Variants in DCT observed in about 807,000 individuals in gnomAD.
The protein encoded by DCT is L-dopachrome tautomerase.
Under a neutral mutation model 53.0 loss-of-function variants are expected in DCT, and 47 were observed. The ratio of observed to expected loss-of-function variants is 0.89; its 90% CI spans 0.70 to 1.13. The LOEUF (loss-of-function observed/expected upper bound fraction) is 1.13, where lower values mean the gene tolerates loss of function less well. Among genes scored for constraint, DCT ranks in the 50% most tolerant of loss-of-function variants. The pLI, the probability that DCT is intolerant of heterozygous loss-of-function variation, is 0.00. For synonymous variants in DCT, 244 were observed against 237.0 expected, an observed-to-expected ratio of 1.03 and a Z score of -0.27; for missense variants, 669 against 637.4, an observed-to-expected ratio of 1.05 and a Z score of -0.53.
chr13:94,548,261 T>A, the DCT span, among the ~76,000 whole-genome samples: 1 of 152,042 alleles, frequency 6.6e-6, no homozygotes, highest in South Asian at 2.1e-4. Flanking sequence ...CTTCATAAGG[T>A]TGTTATGAAG....
chr13:94,491,894 T>C, the DCT span, among the ~76,000 whole-genome samples: 1 of 152,218 alleles, frequency 6.6e-6, no homozygotes, highest in Non-Finnish European at 1.5e-5. Context: ...TCATAAATTT[T>C]AGATCTGGAT....
At chr13:94,532,011 T>G in the DCT span, among the ~76,000 whole-genome samples, 3 of 152,180 alleles carry the variant, frequency 2.0e-5, no homozygotes, top group Non-Finnish European at 4.4e-5. Flanking sequence ...AAGCCATTTA[T>G]GCAGCCAACA....
Position 94,438,707 on chromosome 13 carries a change from TAA to T in DCT, c.*1189_*1190del. The T allele has an allele frequency of 2.2e-6, 1 of 454,436 alleles. No individual in the cohort carries two copies. Among genetic ancestry groups the T allele is most frequent in the Middle Eastern group, 3.3e-4 (1 of 3,052 alleles). The allele number at this position is 454,436 out of a possible 1,614,324, so 28.2% of individuals were successfully genotyped here. ...ATCATGATAAGTCTGAACATCGTAG[TAA>T]AGATTGTCTCATTCTTATTCCTCAT... On this transcript the variant is annotated 3_prime_UTR_variant, in exon 8 of 8. Transcript: ENST00000377028.
upstream of DCT, among the ~76,000 whole-genome samples, chr13:94,480,538 AT>A (rs1475610937): frequency 6.6e-6 from 1 of 152,220 alleles, no homozygotes; most frequent in Non-Finnish European, 1.5e-5. Context: ...AAAGACACAT[AT>A]TGTTATGTTT....
intron 1 of DCT, among the ~76,000 whole-genome samples, chr13:94,474,133 A>C (rs993022888): frequency 6.6e-6 from 1 of 152,236 alleles, no homozygotes; most frequent in African/African-American, 2.4e-5. Context: ...TTACTGGGAA[A>C]TGGAGAGAGG....
chr13:94,541,501 T>C, the DCT span, among the ~76,000 whole-genome samples: 2 of 127,194 alleles, frequency 1.6e-5, no homozygotes, highest in Admixed American at 7.8e-5. Flanking sequence ...CGAAACCCTG[T>C]CTCAAAAAAA....
chr13:94,482,845 G>A (rs61758407), upstream of DCT, among the ~76,000 whole-genome samples: 19 of 152,270 alleles, frequency 1.2e-4, no homozygotes, highest in South Asian at 3.5e-3. Flanking sequence ...TGCTGCAAAT[G>A]TTTGAAAACC....
chr13:94,488,794 C>T, the DCT span, among the ~76,000 whole-genome samples: 382 of 150,298 alleles, frequency 2.5e-3, 1 homozygote, highest in African/African-American at 8.9e-3. Context: ...TACATATACA[C>T]ACACATATAC....
chr13:94,530,231 C>A, the DCT span, among the ~76,000 whole-genome samples: 1 of 152,172 alleles, frequency 6.6e-6, no homozygotes, highest in Non-Finnish European at 1.5e-5. Flanking sequence ...TGGGACCATT[C>A]CTTCTGAAAC....
the DCT span, among the ~76,000 whole-genome samples, chr13:94,487,127 T>C: frequency 6.6e-6 from 1 of 152,184 alleles, no homozygotes; most frequent in African/African-American, 2.4e-5. Context: ...TGTTAGAAAC[T>C]GAATAGCAGA....
At chr13:94,518,757 G>C in the DCT span, among the ~76,000 whole-genome samples, 1 of 152,092 alleles carries the variant, frequency 6.6e-6, no homozygotes, top group Non-Finnish European at 1.5e-5. Flanking sequence ...AATCATTTTG[G>C]CTCTCTGCTT....
At chr13:94,503,393 G>C in the DCT span, among the ~76,000 whole-genome samples, 1 of 142,424 alleles carries the variant, frequency 7.0e-6, no homozygotes, top group Admixed American at 7.2e-5. Flanking sequence ...GGAGGGAAGG[G>C]AAGGAGAGGA....
At chr13:94,445,340 T>C (rs1270018039) in intron 6 of DCT, among the ~76,000 whole-genome samples, 1 of 152,222 alleles carries the variant, frequency 6.6e-6, no homozygotes. Flanking sequence ...TTGCAGTTCC[T>C]ATCTTGTGCC....
upstream of DCT, among the ~76,000 whole-genome samples, chr13:94,481,320 T>G (rs1474868598): frequency 5.3e-5 from 8 of 152,224 alleles, no homozygotes; most frequent in African/African-American, 1.9e-4. Flanking sequence ...GAAGTCACCA[T>G]TCAACCTAAC....
chr13:94,463,979 T>A (rs962336107), intron 4 of DCT, among the ~76,000 whole-genome samples: 1 of 152,226 alleles, frequency 6.6e-6, no homozygotes, highest in Non-Finnish European at 1.5e-5. Context: ...GACGACATTC[T>A]AAAAATTTAA....
rs1310764385 is a variant in DCT at position 94,468,616 on chromosome 13, CT to C, written c.595+129del. 12 of 831,964 alleles carry C rather than the reference CT, an allele frequency of 1.4e-5. No individual in the cohort carries two copies. In the Admixed American group the frequency reaches 2.1e-4, roughly 14 times the overall value. 51.5% of individuals were successfully genotyped at this position (831,964 alleles called of 1,614,324 possible). ...CAGGCGGTATTTGATAATTCTACGA[CT>C]TTCATAAACCTAAGGCTGCCTTGTG... is the stretch of plus-strand genomic sequence containing the variant. On this transcript the variant is annotated intron_variant, in intron 2 of 7. Transcript: ENST00000377028.
chr13:94,443,347 T>C (rs1882478027), intron 7 of DCT, 89 bp downstream of exon 7: 2 of 1,069,374 alleles, frequency 1.9e-6, no homozygotes, highest in African/African-American at 1.6e-5. Flanking sequence ...CGGCTAAAGG[T>C]CTTGGTTTAC....
chr13:94,450,792 C>T (rs3782972), intron 6 of DCT, among the ~76,000 whole-genome samples: 121,207 of 152,076 alleles, frequency 0.8, 49,763 homozygotes, highest in African/African-American at 0.91. Context: ...AGATTCTAGA[C>T]AGAGACTAAG....
the DCT span, among the ~76,000 whole-genome samples, chr13:94,530,596 G>A: frequency 2.6e-5 from 4 of 152,042 alleles, no homozygotes; most frequent in Non-Finnish European, 2.9e-5. Flanking sequence ...GCAGCAATTC[G>A]TGCTAAAAAC....
Sources: allele counts gnomAD v4.1 joint callset (sites outside exome capture counted in the v4.1 genomes callset), GRCh38; gene constraint gnomAD v4.1.1; transcripts MANE v1.5; gene names NCBI Gene and HGNC (gene_info 2026-07-23, HGNC 2026-07-21).